DDB2: variants seen among roughly 807,000 people sequenced by gnomAD.
The protein encoded by DDB2 is DNA damage-binding protein 2.
In DDB2, 27 loss-of-function variants were observed where a neutral mutation model predicts 50.5. The ratio of observed to expected loss-of-function variants is 0.53; its 90% CI spans 0.39 to 0.74. DDB2 has a LOEUF of 0.74. Ranked by LOEUF, DDB2 falls within the 30% of genes least tolerant of loss-of-function variation. DDB2 has a pLI of 0.00. For missense variants in DDB2, 424 were observed against 545.6 expected (o/e 0.78, Z 2.22); for synonymous variants, 176 against 205.5 (o/e 0.86, Z 1.23).
chr11:47,215,342 T>A, intron 1 of DDB2, 79 bp downstream of exon 1: 1 of 1,606,018 alleles, frequency 6.2e-7, no homozygotes, highest in South Asian at 1.1e-5. Context: ...GGATGGGTGC[T>A]CCGAGGCTCC....
chr11:47,227,251 C>T (rs1953574070), intron 3 of DDB2, among the ~76,000 whole-genome samples: 1 of 150,716 alleles, frequency 6.6e-6, no homozygotes, highest in Admixed American at 6.6e-5. Context: ...GGATTACAGG[C>T]ATGCGCCACC....
At chr11:47,216,118 G>T in intron 1 of DDB2, 1 of 713,376 alleles carries the variant, frequency 1.4e-6, no homozygotes, top group East Asian at 2.6e-5. Context: ...TTTCACTTCA[G>T]ACTTACTGTT....
chr11:47,227,408 T>C (rs1203241870), intron 3 of DDB2, among the ~76,000 whole-genome samples: 6 of 151,966 alleles, frequency 3.9e-5, no homozygotes, highest in Admixed American at 3.9e-4. Flanking sequence ...CGCCCGGCCA[T>C]GATATTAACC....
chr11:47,215,973 A>C (rs1437712936), intron 1 of DDB2: 2 of 373,184 alleles, frequency 5.4e-6, no homozygotes, highest in Non-Finnish European at 1.0e-5. Context: ...ATTGTGCATT[A>C]TATGTGATTT....
intron 3 of DDB2, among the ~76,000 whole-genome samples, chr11:47,224,869 A>G (rs1421363558): frequency 6.6e-6 from 1 of 151,808 alleles, no homozygotes; most frequent in African/African-American, 2.4e-5. Context: ...CAGATACTGT[A>G]TATCCCCTCT....
intron 3 of DDB2, 120 bp from the exon 4 acceptor site, chr11:47,232,694 G>A: frequency 1.9e-6 from 2 of 1,046,394 alleles, no homozygotes; most frequent in Non-Finnish European, 3.0e-6. Flanking sequence ...TGTCTAAGCT[G>A]ACCTGGCCCC....
intron 3 of DDB2, among the ~76,000 whole-genome samples, chr11:47,230,479 T>G (rs1015442665): frequency 1.3e-5 from 2 of 152,210 alleles, no homozygotes; most frequent in Admixed American, 6.5e-5. Flanking sequence ...TAATTAAATT[T>G]GGTGTTAATT....
rs1169576659 is a variant in DDB2 at position 47,237,846 on chromosome 11, C to T, written c.1033C>T (p.His345Tyr). 5 of 1,614,158 alleles carry T rather than the reference C, an allele frequency of 3.1e-6. No individual in the cohort carries two copies. The highest frequency in any genetic ancestry group is 4.2e-6 in the Non-Finnish European group (5 of 1,180,018). The stretch of plus-strand genomic sequence containing the variant: ...CCTCTCCATCTCCTAGGCAGCCTGG[C>T]ATCCTCGCTACAACCTCATTGTTGT... Reference protein sequence around the residue: ...QHLTPIKAAWHPRYNLIVVGR... With the variant: ...QHLTPIKAAWYPRYNLIVVGR... Residue 345 changes from histidine (H) to tyrosine (Y), a missense_variant, in exon 8 of 10, where the codon CAT becomes TAT. His to Tyr is a moderately conservative substitution (Grantham distance 83, BLOSUM62 2). Transcript: ENST00000256996.
chr11:47,216,157 A>G (rs998612903), intron 1 of DDB2, 179 bp from the exon 2 acceptor site: 25 of 933,676 alleles, frequency 2.7e-5, no homozygotes, highest in Admixed American at 2.4e-4. Context: ...AAGGGGCCAA[A>G]TCCTCACTCA....
intron 7 of DDB2, among the ~76,000 whole-genome samples, chr11:47,237,434 C>CTT (rs564311013): frequency 6.5e-5 from 9 of 139,206 alleles, no homozygotes; most frequent in South Asian, 2.3e-4. Context: ...GCAAATACTA[C>CTT]TTTTTTTTTT....
chr11:47,233,956 G>A (rs1414609608), intron 4 of DDB2, among the ~76,000 whole-genome samples: 1 of 152,178 alleles, frequency 6.6e-6, no homozygotes, highest in Non-Finnish European at 1.5e-5. Context: ...ATAGGGGATG[G>A]CAAAAGGCAG....
intron 3 of DDB2, among the ~76,000 whole-genome samples, chr11:47,232,467 C>T (rs1445800531): frequency 3.3e-5 from 5 of 150,180 alleles, no homozygotes; most frequent in Middle Eastern, 6.9e-3. Flanking sequence ...GCTTGGGCAA[C>T]GTGACAAAAC....
chr11:47,234,501 C>T (rs769888365), intron 4 of DDB2, 72 bp from the exon 5 acceptor site: 29 of 1,240,240 alleles, frequency 2.3e-5, no homozygotes, highest in East Asian at 9.3e-5. Flanking sequence ...GGTTAGTCAC[C>T]GGAGCGGCAA....
At chr11:47,226,629 T>A (rs1192249618) in intron 3 of DDB2, among the ~76,000 whole-genome samples, 1 of 152,122 alleles carries the variant, frequency 6.6e-6, no homozygotes, top group African/African-American at 2.4e-5. Context: ...AGCAGTGTAG[T>A]TTCATTTGCA....
intron 3 of DDB2, among the ~76,000 whole-genome samples, chr11:47,230,987 G>A (rs1056513907): frequency 6.6e-6 from 1 of 151,790 alleles, no homozygotes; most frequent in Non-Finnish European, 1.5e-5. Flanking sequence ...GGGTGTGATG[G>A]TGTGGGCATG....
rs1404817712 is a variant in DDB2, at chr11:47,219,492, CAGGGACTACAGGTACGCA to C, written c.456+2444_456+2461del. On this transcript the variant is annotated intron_variant, in intron 3 of 9. Coordinates refer to ENST00000256996, the MANE Select transcript of DDB2 (RefSeq NM_000107.3). Reference sequence around the variant, plus strand: ...CCTCCGGCTTCAGCCTCCCATGTATCAGGGACTACAGGTACGCACCACCATGCCTGGCTAATTTTTAGA... The same window carrying C: ...CCTCCGGCTTCAGCCTCCCATGTATCCCACCATGCCTGGCTAATTTTTAGA... Among the ~76,000 whole-genome samples, 9 of 152,124 alleles carry C rather than the reference CAGGGACTACAGGTACGCA, an allele frequency of 5.9e-5. No individual in the cohort carries two copies. In the East Asian group the frequency reaches 1.4e-3, roughly 23 times the overall value.
At chr11:47,230,132 T>TAAAAA (rs751957606) in intron 3 of DDB2, among the ~76,000 whole-genome samples, 3 of 110,808 alleles carry the variant, frequency 2.7e-5, no homozygotes, top group African/African-American at 1.0e-4. Context: ...ACCCTGTCTC[T>TAAAAA]AAAAAAAAAA....
Position 47,237,921 on chromosome 11 carries a change from A to C in DDB2, c.1108A>C (p.Arg370=), listed in dbSNP as rs1953760109. 6.2e-7 allele frequency: 1 copy of C among 1,614,178 alleles called. No individual in the cohort carries two copies. Among genetic ancestry groups the C allele is most frequent in the Non-Finnish European group, 8.5e-7 (1 of 1,180,028 alleles). ...CAAAAGTTGTACCCCTTATGAATTG[A>C]GGACGATCGACGTGTTCGATGGAAA... ...NFKSCTPYEL[R]TIDVFDGNSG... Residue 370 remains arginine, a synonymous_variant, in exon 8 of 10, where the codon AGG becomes CGG. Coordinates refer to ENST00000256996, the MANE Select transcript of DDB2 (RefSeq NM_000107.3).
At chr11:47,235,925 CCT>C in intron 7 of DDB2, 1 of 64,080 alleles carries the variant, frequency 1.6e-5, no homozygotes, top group African/African-American at 4.7e-5. Flanking sequence ...CCAGGCTGAT[CCT>C]TTTTTTTTTT....
Sources: gnomAD v4.1 joint callset for allele counts (sites outside exome capture counted in the v4.1 genomes callset) on GRCh38, gnomAD v4.1.1 for gene constraint, MANE v1.5 for transcripts, NCBI Gene and HGNC (gene_info 2026-07-23, HGNC 2026-07-21) for gene names.